The following UBE2E2 variants were observed in gnomAD, a reference collection of about 807,000 sequenced individuals.
UBE2E2 encodes the protein ubiquitin conjugating enzyme E2 E2, also known as ubiquitin-conjugating enzyme E2 E2.
A neutral mutation model predicts 24.7 loss-of-function variants in UBE2E2; 6 were observed. That is an observed-to-expected ratio of 0.24 (90% CI 0.13 to 0.48). UBE2E2 has a LOEUF of 0.48. Ranked by LOEUF, UBE2E2 falls within the 20% of genes least tolerant of loss-of-function variation. The pLI is 0.99. For missense variants in UBE2E2, 169 were observed against 245.0 expected (o/e 0.69, Z 2.07); for synonymous variants, 104 against 83.6 (o/e 1.24, Z -1.33).
chr3:23,431,827 A>T (rs1255013337), intron 3 of UBE2E2, among the ~76,000 whole-genome samples: 2 of 152,170 alleles, frequency 1.3e-5, no homozygotes, highest in African/African-American at 4.8e-5. Context: ...TAGGGCCTTA[A>T]TATTTAGGGG....
chr3:23,327,309 A>G (rs961334118), intron 3 of UBE2E2, among the ~76,000 whole-genome samples: 7 of 152,100 alleles, frequency 4.6e-5, no homozygotes, highest in Non-Finnish European at 1.0e-4. Context: ...AAGTGTTCCT[A>G]TTTCTCCACA....
intron 5 of UBE2E2, among the ~76,000 whole-genome samples, chr3:23,547,237 G>A (rs1695545934): frequency 6.6e-6 from 1 of 152,094 alleles, no homozygotes; most frequent in East Asian, 1.9e-4. Flanking sequence ...TTTTTTCTGT[G>A]TCTGTTGTCC....
At chr3:23,214,192 C>T (rs1696407765) in intron 2 of UBE2E2, among the ~76,000 whole-genome samples, 1 of 151,946 alleles carries the variant, frequency 6.6e-6, no homozygotes, top group South Asian at 2.1e-4. Flanking sequence ...TAATATAGAC[C>T]TAGAATTATA....
At chr3:23,549,630 C>G (rs1695598754) in intron 5 of UBE2E2, among the ~76,000 whole-genome samples, 1 of 152,080 alleles carries the variant, frequency 6.6e-6, no homozygotes. Context: ...TATGTGTGGA[C>G]CTCTGTAAAC....
At chr3:23,210,342 C>T (rs1334125360) in intron 2 of UBE2E2, among the ~76,000 whole-genome samples, 2 of 152,176 alleles carry the variant, frequency 1.3e-5, no homozygotes. Context: ...TCTGCTGGGC[C>T]TGTGCTTTAT....
intron 3 of UBE2E2, among the ~76,000 whole-genome samples, chr3:23,301,799 G>A (rs1165972076): frequency 6.8e-6 from 1 of 146,408 alleles, no homozygotes; most frequent in South Asian, 2.1e-4. Context: ...AACCACTACT[G>A]TCTTCAAAGC....
rs111276481 is a variant in UBE2E2, at chr3:23,357,002, C to T, written c.227+139690C>T. 3.2e-3 allele frequency among the ~76,000 whole-genome samples: 491 copies of T among 152,314 alleles called. 2 individuals are homozygous for T. The highest frequency in any genetic ancestry group is 4.8e-3 in the Non-Finnish European group (328 of 68,022). On this transcript the variant is annotated intron_variant, in intron 3 of 5. Transcript: ENST00000396703. ...CTTGGTAGTTTAGCAATCCAGACTG[C>T]TTTGATCTTGTGGCACCATGATTGC...
intron 3 of UBE2E2, among the ~76,000 whole-genome samples, chr3:23,372,867 GGACAGA>G (rs1696431329): frequency 6.6e-6 from 1 of 152,074 alleles, no homozygotes; most frequent in Non-Finnish European, 1.5e-5. Context: ...AGCTAGCCAT[GGACAGA>G]GACTTATTGG....
At chr3:23,247,379 G>T (rs956915136) in intron 3 of UBE2E2, among the ~76,000 whole-genome samples, 1 of 146,738 alleles carries the variant, frequency 6.8e-6, no homozygotes, top group Non-Finnish European at 1.5e-5. Flanking sequence ...TTTTTGAGAC[G>T]GAGTCTCGCT....
intron 3 of UBE2E2, chr3:23,449,981 C>A: frequency 1.1e-6 from 1 of 952,346 alleles, no homozygotes; most frequent in Non-Finnish European, 1.3e-6. Flanking sequence ...CCACTGCTAC[C>A]CTGCCACGTG....
intron 3 of UBE2E2, among the ~76,000 whole-genome samples, chr3:23,401,335 TG>T (rs1484810843): frequency 2.0e-5 from 3 of 152,236 alleles, no homozygotes. Context: ...TAGCAGCTAC[TG>T]GTTATTGACT....
intron 3 of UBE2E2, among the ~76,000 whole-genome samples, chr3:23,492,832 G>A (rs1466003072): frequency 1.3e-5 from 2 of 151,920 alleles, no homozygotes; most frequent in African/African-American, 4.8e-5. Flanking sequence ...TATAGTGTGA[G>A]CTATGTATGT....
At chr3:23,274,958 C>T (rs1030178161) in intron 3 of UBE2E2, among the ~76,000 whole-genome samples, 3 of 152,058 alleles carry the variant, frequency 2.0e-5, no homozygotes, top group Admixed American at 6.6e-5. Context: ...CTGGTCAGGA[C>T]CTGAGCTGTA....
intron 3 of UBE2E2, among the ~76,000 whole-genome samples, chr3:23,295,625 A>G (rs547136747): frequency 6.6e-6 from 1 of 152,222 alleles, no homozygotes; most frequent in Non-Finnish European, 1.5e-5. Context: ...GATTTCGAAT[A>G]TCGGTGGCTA....
chr3:23,318,078 A>G (rs1486559591), intron 3 of UBE2E2, among the ~76,000 whole-genome samples: 1 of 151,914 alleles, frequency 6.6e-6, no homozygotes, highest in Non-Finnish European at 1.5e-5. Context: ...CTACTTTTTG[A>G]TTCTAATGGA....
intron 5 of UBE2E2, among the ~76,000 whole-genome samples, chr3:23,552,070 GCCAGCA>G (rs1695657364): frequency 6.6e-6 from 1 of 152,146 alleles, no homozygotes; most frequent in African/African-American, 2.4e-5. Flanking sequence ...AACCACATCA[GCCAGCA>G]CCATGATCTT....
At position 23,533,596 on chromosome 3, in the gene UBE2E2, CT is replaced by C. The variant is rs1306542336; in HGVS notation, c.508+901del. On this transcript the variant is annotated intron_variant, in intron 5 of 5. Transcript: ENST00000396703. ...TTTCTTTATTTTTCAGCAGTAAAAT[CT>C]TTTTTAAAGTAGCAAATTAGTATTT... Among the ~76,000 whole-genome samples, 4 of 130,684 alleles carry C rather than the reference CT, an allele frequency of 3.1e-5. No individual in the cohort carries two copies. In the South Asian group the frequency reaches 1.1e-3, roughly 35 times the overall value. 85.7% of individuals were successfully genotyped at this position (130,684 alleles called of 152,430 possible).
chr3:23,313,890 T>C (rs183150135), intron 3 of UBE2E2, among the ~76,000 whole-genome samples: 1 of 152,306 alleles, frequency 6.6e-6, no homozygotes, highest in Admixed American at 6.5e-5. Flanking sequence ...TGGTATGTTT[T>C]AATTTCTTGC....
intron 3 of UBE2E2, among the ~76,000 whole-genome samples, chr3:23,484,464 G>T (rs1455349377): frequency 6.6e-6 from 1 of 152,138 alleles, no homozygotes; most frequent in East Asian, 1.9e-4. Flanking sequence ...TTTTTACAGG[G>T]TTCCCATAGC....
Sources: gnomAD v4.1 joint callset for allele counts (sites outside exome capture counted in the v4.1 genomes callset) on GRCh38, gnomAD v4.1.1 for gene constraint, MANE v1.5 for transcripts, NCBI Gene and HGNC (gene_info 2026-07-23, HGNC 2026-07-21) for gene names.